Variants in B4GALNT3 observed in about 807,000 individuals in gnomAD.
B4GALNT3 encodes the protein beta-1,4-N-acetyl-galactosaminyltransferase 3.
B4GALNT3 carries 86 observed loss-of-function variants against 120.2 expected under a neutral mutation model. That is an observed-to-expected ratio of 0.72 (90% confidence interval 0.60 to 0.86). B4GALNT3 has a LOEUF of 0.86. Ranked by LOEUF, B4GALNT3 falls within the 40% of genes least tolerant of loss-of-function variation. The pLI, the probability that B4GALNT3 is intolerant of heterozygous loss-of-function variation, is 0.00. For missense variants in B4GALNT3, 1,167 were observed against 1,298.9 expected, an observed-to-expected ratio of 0.90 and a Z score of 1.56; for synonymous variants, 518 against 510.4, an observed-to-expected ratio of 1.01 and a Z score of -0.20.
chr12:507,097 A>T (rs1946504986), intron 1 of B4GALNT3, among the ~76,000 whole-genome samples: 1 of 152,228 alleles, frequency 6.6e-6, no homozygotes, highest in African/African-American at 2.4e-5. Context: ...ATGAACCAAT[A>T]TCGGATGTTA....
intron 1 of B4GALNT3, among the ~76,000 whole-genome samples, chr12:463,991 A>G (rs1049636524): frequency 3.3e-5 from 5 of 152,216 alleles, no homozygotes; most frequent in African/African-American, 7.2e-5. Flanking sequence ...TAAGGGTAAC[A>G]ATACTTTTGG....
chr12:504,047 A>G (rs1444871687), intron 1 of B4GALNT3, among the ~76,000 whole-genome samples: 3 of 151,990 alleles, frequency 2.0e-5, no homozygotes, highest in Admixed American at 6.6e-5. Flanking sequence ...CCTCGGAGAC[A>G]GAGGTTACAG....
At chr12:476,620 TA>T (rs1188153718) in intron 1 of B4GALNT3, among the ~76,000 whole-genome samples, 2 of 152,136 alleles carry the variant, frequency 1.3e-5, no homozygotes, top group African/African-American at 4.8e-5. Flanking sequence ...CATAAATAAA[TA>T]AATGCTTATC....
At chr12:474,803 T>G (rs10849062) in intron 1 of B4GALNT3, among the ~76,000 whole-genome samples, 1 of 152,152 alleles carries the variant, frequency 6.6e-6, no homozygotes, top group East Asian at 1.9e-4. Context: ...ACAAAAAATA[T>G]AAGAATTAGC....
chr12:461,768 A>G (rs1946025312), intron 1 of B4GALNT3, among the ~76,000 whole-genome samples: 1 of 152,128 alleles, frequency 6.6e-6, no homozygotes, highest in Admixed American at 6.5e-5. Context: ...GAGCTGGTTC[A>G]GGTTGGAAAT....
rs7310688 is a variant in B4GALNT3 at position 489,673 on chromosome 12, A to C, written c.169+29128A>C. Among the ~76,000 whole-genome samples, 256 of 152,360 alleles carry C rather than the reference A, an allele frequency of 1.7e-3. 1 individual carries two copies. Among genetic ancestry groups the C allele is most frequent in the African/African-American group, 5.8e-3 (242 of 41,582 alleles). The stretch of plus-strand genomic sequence containing the variant: ...GATGAATCCACTGTTAGAGTTGAAG[A>C]CTTCAACATCTCTCTAGAAATTGAC... On this transcript the variant is annotated intron_variant, in intron 1 of 19. Coordinates refer to ENST00000266383, the MANE Select transcript of B4GALNT3 (RefSeq NM_173593.4).
chr12:553,709 G>A lies in B4GALNT3; in HGVS notation c.1786G>A (p.Ala596Thr), dbSNP rs776592161. ...GWHGEEEVVA[A>T]AGQEGQVEGE... The stretch of plus-strand genomic sequence containing the variant: ...GCATGGGGAGGAGGAAGTGGTGGCG[G>A]CCGCAGGCCAGGAAGGACAAGTGGA... Residue 596 changes from alanine (A) to threonine (T), a missense_variant, in exon 14 of 20, where the codon GCC becomes ACC. Physicochemically the swap from Ala to Thr is moderately conservative, Grantham distance 58. Transcript: ENST00000266383. 7 of 1,613,802 alleles carry A rather than the reference G, an allele frequency of 4.3e-6. No individual in the cohort carries two copies. The South Asian group carries it at 7.7e-5, about 18-fold the overall frequency.
chr12:552,031 C>A (rs78631466), intron 11 of B4GALNT3, 32 bp from the exon 12 acceptor site: 101 of 1,491,446 alleles, frequency 6.8e-5, no homozygotes, highest in Non-Finnish European at 8.2e-5. Flanking sequence ...ATCTCACTCT[C>A]TTACTCCTGC....
intron 1 of B4GALNT3, among the ~76,000 whole-genome samples, chr12:480,075 T>C (rs1322402173): frequency 2.6e-5 from 4 of 151,864 alleles, no homozygotes; most frequent in Admixed American, 2.0e-4. Flanking sequence ...CACCACCCCC[T>C]GGATAATTTT....
At chr12:503,809 CCTT>C (rs979190705) in intron 1 of B4GALNT3, among the ~76,000 whole-genome samples, 4 of 152,138 alleles carry the variant, frequency 2.6e-5, no homozygotes, top group African/African-American at 7.2e-5. Context: ...CCACCTACTG[CCTT>C]CTTCTTAAAA....
At chr12:490,845 T>C (rs1366047582) in intron 1 of B4GALNT3, among the ~76,000 whole-genome samples, 3 of 152,158 alleles carry the variant, frequency 2.0e-5, no homozygotes, top group East Asian at 3.9e-4. Flanking sequence ...AAATAAACCA[T>C]CTGAATAGTC....
At chr12:489,649 A>G (rs144554722) in intron 1 of B4GALNT3, among the ~76,000 whole-genome samples, 4 of 152,380 alleles carry the variant, frequency 2.6e-5, no homozygotes, top group African/African-American at 9.6e-5. Context: ...GGAAGAATAG[A>G]TGAATCCACT....
At chr12:535,299 C>T in intron 2 of B4GALNT3, 30 bp downstream of exon 2, 1 of 1,593,130 alleles carries the variant, frequency 6.3e-7, no homozygotes, top group Non-Finnish European at 8.6e-7. Flanking sequence ...ATTGTCCCTG[C>T]TGATGCCTTA....
At chr12:523,287 C>CTTCA (rs1240409166) in intron 1 of B4GALNT3, among the ~76,000 whole-genome samples, 1 of 152,182 alleles carries the variant, frequency 6.6e-6, no homozygotes, top group African/African-American at 2.4e-5. Flanking sequence ...CTTGTCCTTC[C>CTTCA]TTCATTCATT....
At position 474,947 on chromosome 12, in the gene B4GALNT3, C is replaced by CAAAA. The variant is rs386375353; in HGVS notation, c.169+14419_169+14422dup. On this transcript the variant is annotated intron_variant, in intron 1 of 19. Transcript: ENST00000266383. Reference sequence around the variant, plus strand: ...TGGGTGACAGAGGGAGACCTTGTCTCAAAAAAAAAAAAAAAAAAAAGCCAA... The same window carrying CAAAA: ...TGGGTGACAGAGGGAGACCTTGTCTCAAAAAAAAAAAAAAAAAAAAAAAAGCCAA... Among the ~76,000 whole-genome samples, 133 of 60,540 alleles carry CAAAA rather than the reference C, an allele frequency of 2.2e-3. 4 individuals carry two copies. Among genetic ancestry groups the CAAAA allele is most frequent in the South Asian group, 0.021 (26 of 1,250 alleles). 39.7% of individuals were successfully genotyped at this position (60,540 alleles called of 152,430 possible). A position where few individuals can be genotyped will look rare whatever the true frequency, so the allele number is the denominator to read the frequency against.
chr12:460,360 C>T lies in B4GALNT3; in HGVS notation c.-17C>T. 1.7e-6 allele frequency: 2 copies of T among 1,156,368 alleles called. No individual in the cohort carries two copies. Among genetic ancestry groups the T allele is most frequent in the Non-Finnish European group, 2.1e-6 (2 of 940,586 alleles). The allele number at this position is 1,156,368 out of a possible 1,614,324, so 71.6% of individuals were successfully genotyped here. A position where few individuals can be genotyped will look rare whatever the true frequency, so the allele number is the denominator to read the frequency against. ...GGTTGGAGCCCGCGCTGGCGGCGGC[C>T]GCCTCGGCGCAGCGCCATGGGGAGC... On this transcript the variant is annotated 5_prime_UTR_variant, in exon 1 of 20. Transcript: ENST00000266383. This position sits in a 1 kb window ranked among gnomAD's most constrained non-coding sequence, Gnocchi z 8.0.
At position 561,288 on chromosome 12, in the gene B4GALNT3, C is replaced by T. The variant is rs1592061733; in HGVS notation, c.2889-55C>T. 7.1e-6 allele frequency: 10 copies of T among 1,414,078 alleles called. No homozygotes were observed. The East Asian group carries it at 1.4e-4, about 20-fold the overall frequency. 87.6% of individuals were successfully genotyped at this position (1,414,078 alleles called of 1,614,324 possible). On this transcript the variant is annotated intron_variant, in intron 19 of 19. Coordinates refer to ENST00000266383, the MANE Select transcript of B4GALNT3 (RefSeq NM_173593.4). ...AGGGTCTGTGGTCGATGGGGAGGGG[C>T]CCCCCAGCTGCCTTCTGTGCTTCTG...
chr12:560,738 C>G (rs1370879924), intron 19 of B4GALNT3, among the ~76,000 whole-genome samples: 1 of 152,206 alleles, frequency 6.6e-6, no homozygotes, highest in East Asian at 1.9e-4. Context: ...CTGCCATGCA[C>G]GGCTCCTGTA....
In B4GALNT3 at chr12:562,632, AGG is replaced by A; in HGVS notation, c.*1186_*1187del. 6.6e-6 allele frequency: 1 copy of A among 151,026 alleles called. No homozygotes were observed. The highest frequency in any genetic ancestry group is 1.5e-5 in the Non-Finnish European group (1 of 67,842). 9.4% of individuals were successfully genotyped at this position (151,026 alleles called of 1,614,324 possible). A position where few individuals can be genotyped will look rare whatever the true frequency, so the allele number is the denominator to read the frequency against. On this transcript the variant is annotated 3_prime_UTR_variant, in exon 20 of 20. Coordinates refer to ENST00000266383, the MANE Select transcript of B4GALNT3 (RefSeq NM_173593.4). The surrounding 1 kb of genome is among the most constrained non-coding windows in gnomAD (Gnocchi z 5.2). ...GGAGTGGGGGCAGGAGGAACTGAAG[AGG>A]GGGGCAGTTTCAGGGAAAATAGCCC...
Sources: gnomAD v4.1 joint callset for allele counts (sites outside exome capture counted in the v4.1 genomes callset) on GRCh38, gnomAD v4.1.1 for gene constraint, Gnocchi (gnomAD v3.1) non-coding constraint, MANE v1.5 for transcripts, NCBI Gene and HGNC (gene_info 2026-07-23, HGNC 2026-07-21) for gene names.